The following RADIL variants were observed in gnomAD, a reference collection of about 807,000 sequenced individuals.
RADIL encodes the protein ras-associating and dilute domain-containing protein.
In RADIL, 99 loss-of-function variants were observed where a neutral mutation model predicts 97.6. The ratio of observed to expected loss-of-function variants is 1.01; its 90% confidence interval spans 0.86 to 1.20. The LOEUF is 1.20. Among genes scored for constraint, RADIL ranks in the 50% most tolerant of loss-of-function variants. The pLI, the probability that RADIL is intolerant of heterozygous loss-of-function variation, is 0.00. For missense variants in RADIL, 1,765 were observed against 1,498.9 expected (o/e 1.18, Z -2.93); for synonymous variants, 803 against 691.8 (o/e 1.16, Z -2.52).
rs779158275 is a variant in RADIL, at chr7:4,835,269, G to C, written c.784-30C>G. On this transcript the variant is annotated intron_variant, in intron 3 of 14. Coordinates refer to ENST00000399583, the MANE Select transcript of RADIL (RefSeq NM_018059.5). This position sits in a 1 kb window ranked among gnomAD's most constrained non-coding sequence, Gnocchi z 5.8. ...AACAGAGACTCCGCTCAGGGCAGGCGTAACGCGAGCAGCACACGGGAAAAG... is the reference window on the plus strand; with the variant it reads ...AACAGAGACTCCGCTCAGGGCAGGCCTAACGCGAGCAGCACACGGGAAAAG... 5.6e-6 allele frequency: 9 copies of C among 1,600,014 alleles called. No homozygotes were observed. Among genetic ancestry groups the C allele is most frequent in the Non-Finnish European group, 6.8e-6 (8 of 1,178,442 alleles).
intron 2 of RADIL, among the ~76,000 whole-genome samples, chr7:4,875,629 C>A (rs1292021322): frequency 6.6e-6 from 1 of 152,218 alleles, no homozygotes; most frequent in African/African-American, 2.4e-5. Context: ...GTGGCCCTGT[C>A]CCACTCGCTT....
rs1241344234 is a variant in RADIL at position 4,799,277 on chromosome 7, C to T, written c.*101G>A. ...CAGGGTGAGGCTCCCCACCCGGGAC[C>T]CAACTTGGTCAGTTACAAAACAGGG... On this transcript the variant is annotated 3_prime_UTR_variant, in exon 15 of 15. Transcript: ENST00000399583. 8.5e-7 allele frequency: 1 copy of T among 1,172,142 alleles called. No individual in the cohort carries two copies. Among genetic ancestry groups the T allele is most frequent in the Admixed American group, 2.0e-5 (1 of 50,696 alleles). 72.6% of individuals were successfully genotyped at this position (1,172,142 alleles called of 1,614,324 possible). A position where few individuals can be genotyped will look rare whatever the true frequency, so the allele number is the denominator to read the frequency against.
intron 2 of RADIL, among the ~76,000 whole-genome samples, chr7:4,846,201 C>T (rs990542867): frequency 2.0e-5 from 3 of 150,944 alleles, no homozygotes; most frequent in Non-Finnish European, 4.4e-5. Context: ...GCGATCTTGG[C>T]TCACTGCAAC....
chr7:4,836,526 G>A lies in RADIL; in HGVS notation c.615C>T (p.Ser205=). 1 of 1,607,492 alleles carries A rather than the reference G, an allele frequency of 6.2e-7. No homozygotes were observed. Among genetic ancestry groups the A allele is most frequent in the Non-Finnish European group, 8.5e-7 (1 of 1,179,220 alleles). The part of the protein sequence containing the change: ...TPTPALGDAR[S]SPPPRLRRTV... The stretch of plus-strand genomic sequence containing the variant: ...TGCGGCGCAACCGGGGTGGAGGAGA[G>A]CTCCGGGCATCCCCCAGGGCCGGGG... The change falls in exon 3 of 15, where the codon AGC becomes AGT. Residue 205 remains serine, a synonymous_variant. Transcript: ENST00000399583.
At chr7:4,863,755 C>T (rs1201898674) in intron 2 of RADIL, among the ~76,000 whole-genome samples, 1 of 152,196 alleles carries the variant, frequency 6.6e-6, no homozygotes, top group Non-Finnish European at 1.5e-5. Flanking sequence ...AATGTGTCAC[C>T]CTTTGAGGAT....
At position 4,834,847 on chromosome 7, in the gene RADIL, G is replaced by A; in HGVS notation, c.1176C>T (p.Ala392=). ...CGAALGARGA[A]SPTQAALPRR... ...GGGGCAGGGCGGCCTGAGTAGGGGA[G>A]GCGGCTCCCCGGGCCCCGAGCGCGG... Residue 392 remains alanine, a synonymous_variant, in exon 4 of 15, where the codon GCC becomes GCT. Coordinates refer to ENST00000399583, the MANE Select transcript of RADIL (RefSeq NM_018059.5). The surrounding 1 kb of genome is among the most constrained non-coding windows in gnomAD (Gnocchi z 6.0). 7.6e-7 allele frequency: 1 copy of A among 1,318,524 alleles called. No homozygotes were observed. Among genetic ancestry groups the A allele is most frequent in the Non-Finnish European group, 9.7e-7 (1 of 1,033,130 alleles). 81.7% of individuals were successfully genotyped at this position (1,318,524 alleles called of 1,614,324 possible).
chr7:4,821,127 C>T lies in RADIL; in HGVS notation c.1615+1267G>A, dbSNP rs938875177. Among the ~76,000 whole-genome samples the T allele has an allele frequency of 6.6e-6, 1 of 152,200 alleles. No individual in the cohort carries two copies. Among genetic ancestry groups the T allele is most frequent in the African/African-American group, 2.4e-5 (1 of 41,464 alleles). Reference sequence around the variant, plus strand: ...CTCCTGTCCCTGCACACCGGGCCTGCGCCTCCCTCGAAGCTCAGAGACGCA... The same window carrying T: ...CTCCTGTCCCTGCACACCGGGCCTGTGCCTCCCTCGAAGCTCAGAGACGCA... On this transcript the variant is annotated intron_variant, in intron 6 of 14. Transcript: ENST00000399583. The surrounding 1 kb of genome is among the most constrained non-coding windows in gnomAD (Gnocchi z 5.2).
chr7:4,802,979 T>C (rs13235758), intron 11 of RADIL, among the ~76,000 whole-genome samples: 333 of 31,906 alleles, frequency 0.01, 2 homozygotes, highest in Middle Eastern at 0.031. Context: ...CCTCCCCGGG[T>C]ACCTCGGGGC....
intron 11 of RADIL, 32 bp downstream of exon 11, chr7:4,803,514 C>T (rs755539377): frequency 1.4e-5 from 21 of 1,505,680 alleles, no homozygotes; most frequent in Non-Finnish European, 1.9e-5. Context: ...CACCTCGGGG[C>T]ACGCTGGCTG....
In RADIL at chr7:4,800,240, G is replaced by C; in HGVS notation, c.2913C>G (p.Phe971Leu). The C allele has an allele frequency of 6.3e-7, 1 of 1,594,138 alleles. No homozygotes were observed. The highest frequency in any genetic ancestry group is 8.5e-7 in the Non-Finnish European group (1 of 1,172,074). ...PSSRSSSTEDFCYVFTVELER... is the reference protein window; with the variant it reads ...PSSRSSSTEDLCYVFTVELER... ...CCAGCTCCACCGTGAAGACGTAGCA[G>C]AAGTCCTCGGTGCTGGAGCTGCGGC... Residue 971 changes from phenylalanine (F) to leucine (L), a missense_variant, in exon 13 of 15, where the codon TTC becomes TTG. By Grantham distance (22) the Phe-to-Leu change is conservative. Transcript: ENST00000399583.
chr7:4,805,079 G>A (rs753495655), intron 10 of RADIL, among the ~76,000 whole-genome samples: 2 of 152,086 alleles, frequency 1.3e-5, no homozygotes, highest in Non-Finnish European at 2.9e-5. Context: ...GGATGACAGA[G>A]CAAGACTCTT....
chr7:4,805,632 A>G lies in RADIL; in HGVS notation c.2224T>C (p.Ser742Pro). Reference sequence around the variant, plus strand: ...CAGGTGCTCATGGGGCCCATGGCCGAGGCCAGCTGGTAGTGAGTCAGCAGC... The same window carrying G: ...CAGGTGCTCATGGGGCCCATGGCCGGGGCCAGCTGGTAGTGAGTCAGCAGC... ...HRLLTHYQLA[S>P]AMGPMSTWEP... Residue 742 changes from serine to proline, a missense_variant, in exon 10 of 15, where the codon TCG becomes CCG. Transcript: ENST00000399583. 1 of 1,611,736 alleles carries G rather than the reference A, an allele frequency of 6.2e-7. No individual in the cohort carries two copies. The highest frequency in any genetic ancestry group is 8.5e-7 in the Non-Finnish European group (1 of 1,179,866).
intron 9 of RADIL, chr7:4,808,747 T>A (rs1782431457): frequency 1.1e-6 from 1 of 932,300 alleles, no homozygotes. Context: ...CGCGTCTCCT[T>A]CCAACGCCAC....
At chr7:4,808,835 T>C (rs868588828) in intron 9 of RADIL, 6 of 858,938 alleles carry the variant, frequency 7.0e-6, no homozygotes, top group Admixed American at 1.7e-4. Flanking sequence ...CCACTGCCCC[T>C]CCGCGTCTCC....
intron 2 of RADIL, among the ~76,000 whole-genome samples, chr7:4,871,326 C>T (rs776373054): frequency 1.3e-5 from 2 of 152,200 alleles, no homozygotes; most frequent in Admixed American, 6.5e-5. Context: ...AAAACAACCA[C>T]AAAGAGGTTT....
At position 4,834,258 on chromosome 7, in the gene RADIL, G is replaced by C. The variant is rs559350962; in HGVS notation, c.1416+349C>G. On this transcript the variant is annotated intron_variant, in intron 4 of 14. Coordinates refer to ENST00000399583, the MANE Select transcript of RADIL (RefSeq NM_018059.5). The surrounding 1 kb of genome is among the most constrained non-coding windows in gnomAD (Gnocchi z 6.0). ...GAGCTATCAATGTCACCTCGGCCTC[G>C]TGGTGCCCAGGCTCAGGGGCAGCTC... Among the ~76,000 whole-genome samples the C allele has an allele frequency of 6.6e-5, 10 of 152,256 alleles. No homozygotes were observed. Among genetic ancestry groups the C allele is most frequent in the African/African-American group, 2.2e-4 (9 of 41,554 alleles).
intron 2 of RADIL, among the ~76,000 whole-genome samples, chr7:4,874,493 G>A (rs1230070333): frequency 5.3e-5 from 8 of 152,360 alleles, no homozygotes; most frequent in Non-Finnish European, 1.0e-4. Context: ...GGCCGCCTCA[G>A]TGAACCTTCT....
Position 4,822,316 on chromosome 7 carries a change from TC to T in RADIL, c.1615+77del, listed in dbSNP as rs1782855451. 2 of 1,461,612 alleles carry T rather than the reference TC, an allele frequency of 1.4e-6. No individual in the cohort carries two copies. Among genetic ancestry groups the T allele is most frequent in the East Asian group, 4.8e-5 (2 of 42,094 alleles). 90.5% of individuals were successfully genotyped at this position (1,461,612 alleles called of 1,614,324 possible). ...CCCCTGCTATCATGGCCAACTAGGT[TC>T]CGAGGACGGCGAGGAGATGCCACAC... On this transcript the variant is annotated intron_variant, in intron 6 of 14. Transcript: ENST00000399583. The surrounding 1 kb of genome is among the most constrained non-coding windows in gnomAD (Gnocchi z 5.3).
chr7:4,803,613 C>T lies in RADIL; in HGVS notation c.2432G>A (p.Arg811Gln), dbSNP rs535008712. 45 of 1,548,858 alleles carry T rather than the reference C, an allele frequency of 2.9e-5. No homozygotes were observed. In the East Asian group the frequency reaches 3.4e-4, roughly 12 times the overall value. Residue 811 changes from arginine to glutamine, a missense_variant, in exon 11 of 15, where the codon CGG becomes CAG. Coordinates refer to ENST00000399583, the MANE Select transcript of RADIL (RefSeq NM_018059.5). The part of the protein sequence containing the change: ...LYVRHFLWGL[R>Q]SRASPGSPGR... ...AGGGCTGCCGGGGCTGGCTCTGCTC[C>T]GCAGACCCCACAGAAAGTGGCGGAC...
Sources: allele counts gnomAD v4.1 joint callset (sites outside exome capture counted in the v4.1 genomes callset), GRCh38; gene constraint gnomAD v4.1.1; non-coding constraint Gnocchi (gnomAD v3.1); transcripts MANE v1.5; gene names NCBI Gene and HGNC (gene_info 2026-07-23, HGNC 2026-07-21).